DPH6: variants seen among roughly 807,000 people sequenced by gnomAD.
DPH6 encodes diphthamine biosynthesis 6.
In DPH6, 33 loss-of-function variants were observed where a neutral mutation model predicts 38.2. That is an observed-to-expected ratio of 0.86 (90% CI 0.65 to 1.15). DPH6 has a LOEUF of 1.15. Among genes scored for constraint, DPH6 ranks in the 50% most tolerant of loss-of-function variants. DPH6 has a pLI of 0.00. For synonymous variants in DPH6, 108 were observed against 103.0 expected (o/e 1.05, Z -0.30); for missense variants, 325 against 320.0 (o/e 1.02, Z -0.12).
At chr15:35,478,382 CACACACACACACACACACACACAA>C (rs2141142569) in intron 3 of DPH6, among the ~76,000 whole-genome samples, 1 of 150,558 alleles carries the variant, frequency 6.6e-6, no homozygotes, top group African/African-American at 2.4e-5. Flanking sequence ...CACACACACA[CACACACACACACACACACACACAA>C]AGATTGTAAA....
At chr15:35,156,224 A>G in the DPH6 span, among the ~76,000 whole-genome samples, 1 of 152,192 alleles carries the variant, frequency 6.6e-6, no homozygotes, top group Admixed American at 6.5e-5. Context: ...TTTTTGGCAT[A>G]TGTTGTACAA....
Position 35,398,518 on chromosome 15 carries a change from G to T in DPH6, c.567+12317C>A, listed in dbSNP as rs190901638. On this transcript the variant is annotated intron_variant, in intron 6 of 8. Transcript: ENST00000256538. ...GCTGATCACATGGAGCTGCCTGGAGGATGGTGCGCTGAGAGACAGCCTGGA... is the reference window on the plus strand; with the variant it reads ...GCTGATCACATGGAGCTGCCTGGAGTATGGTGCGCTGAGAGACAGCCTGGA... 4.5e-5 allele frequency among the ~76,000 whole-genome samples: 6 copies of T among 133,532 alleles called. No homozygotes were observed. In the East Asian group the frequency reaches 1.3e-3, roughly 28 times the overall value. 87.6% of individuals were successfully genotyped at this position (133,532 alleles called of 152,430 possible).
intron 3 of DPH6, among the ~76,000 whole-genome samples, chr15:35,475,943 A>G (rs868227214): frequency 1.3e-5 from 2 of 152,042 alleles, no homozygotes; most frequent in African/African-American, 2.4e-5. Context: ...TTAATAATAC[A>G]AAACAGTAAA....
At chr15:35,476,238 C>G (rs1295794674) in intron 3 of DPH6, among the ~76,000 whole-genome samples, 2 of 151,794 alleles carry the variant, frequency 1.3e-5, no homozygotes, top group African/African-American at 4.8e-5. Context: ...CCTAATTTCT[C>G]TGGATCTCAG....
the DPH6 span, among the ~76,000 whole-genome samples, chr15:35,162,291 C>A: frequency 2.6e-5 from 4 of 152,014 alleles, no homozygotes; most frequent in Middle Eastern, 3.4e-3. Context: ...TGCCTGAAAT[C>A]GTTCATGGCA....
At chr15:35,537,961 A>G (rs2055196217) in intron 3 of DPH6, 2 of 177,934 alleles carry the variant, frequency 1.1e-5, no homozygotes, top group East Asian at 2.9e-4. Flanking sequence ...CATTCAAAAA[A>G]TATTTGTTAA....
At chr15:35,246,036 T>C (rs987295411) in intron 3 of DPH6, among the ~76,000 whole-genome samples, 72 of 152,134 alleles carry the variant, frequency 4.7e-4, no homozygotes, top group African/African-American at 1.7e-3. Flanking sequence ...GCTCAGAAGC[T>C]CCCCCACTGA....
intron 6 of DPH6, among the ~76,000 whole-genome samples, chr15:35,404,716 T>G (rs1166049722): frequency 6.6e-6 from 1 of 152,102 alleles, no homozygotes; most frequent in African/African-American, 2.4e-5. Context: ...GCTGTGCAGC[T>G]TTTTAACTTG....
Position 35,283,254 on chromosome 15 carries a change from CTCT to C in DPH6, n.201-62675_201-62673del, listed in dbSNP as rs1240619552. On this transcript the variant is annotated intron_variant and non_coding_transcript_variant, in intron 3 of 3. Coordinates refer to the DPH6 transcript ENST00000560386. Reference sequence around the variant, plus strand: ...TTTCTTCCTCTTCCTCCTCCTACTCCTCTTCTTCTTCTTTCTTCCTCTTCCTCT... The same window carrying C: ...TTTCTTCCTCTTCCTCCTCCTACTCCTCTTCTTCTTTCTTCCTCTTCCTCT... 1.2e-3 allele frequency among the ~76,000 whole-genome samples: 174 copies of C among 148,344 alleles called. 1 individual carries two copies. The highest frequency in any genetic ancestry group is 3.9e-3 in the African/African-American group (158 of 40,064).
At position 35,542,397 on chromosome 15, in the gene DPH6, A is replaced by C. The variant is rs1273937834; in HGVS notation, c.118+16T>G. The C allele has an allele frequency of 1.3e-6, 2 of 1,534,024 alleles. No individual in the cohort carries two copies. Among genetic ancestry groups the C allele is most frequent in the Non-Finnish European group, 1.8e-6 (2 of 1,120,440 alleles). On this transcript the variant is annotated intron_variant, in intron 2 of 8. Transcript: ENST00000256538. ...TCATTCATTTAGGCAACTTCCCAAT[A>C]AAGGCATGTACTTACCTTGGTTTTC...
At chr15:35,544,979 T>C (rs986654781) in intron 1 of DPH6, among the ~76,000 whole-genome samples, 2 of 152,186 alleles carry the variant, frequency 1.3e-5, no homozygotes, top group African/African-American at 2.4e-5. Flanking sequence ...TGAACAACAA[T>C]AATTATTGTG....
At chr15:35,443,216 T>C (rs2053810429) in intron 5 of DPH6, among the ~76,000 whole-genome samples, 1 of 152,212 alleles carries the variant, frequency 6.6e-6, no homozygotes. Flanking sequence ...ATTAGCATTG[T>C]TATTCTGAAA....
At chr15:35,391,771 C>A (rs1486417841) in intron 6 of DPH6, among the ~76,000 whole-genome samples, 1 of 152,140 alleles carries the variant, frequency 6.6e-6, no homozygotes, top group Non-Finnish European at 1.5e-5. Flanking sequence ...AAGGGAATTC[C>A]CTGACCCCTT....
rs1339562326 is a variant in DPH6, at chr15:35,345,768, A to G, written n.208-14691T>C. 6.6e-5 allele frequency among the ~76,000 whole-genome samples: 10 copies of G among 152,024 alleles called. No homozygotes were observed. The South Asian group carries it at 2.1e-3, about 32-fold the overall frequency. ...ACTTAGAAACATGACTCTAATGCAA[A>G]TATAGATTGAACATATATTCAACAT... On this transcript the variant is annotated intron_variant and non_coding_transcript_variant, in intron 3 of 3. Coordinates refer to the DPH6 transcript ENST00000558973.
At chr15:35,224,686 C>T (rs1470378918) in intron 3 of DPH6, among the ~76,000 whole-genome samples, 5 of 152,152 alleles carry the variant, frequency 3.3e-5, no homozygotes, top group Non-Finnish European at 5.9e-5. Context: ...GTATTTCCAC[C>T]AGCAATGAAT....
intron 7 of DPH6, among the ~76,000 whole-genome samples, chr15:35,374,301 A>C (rs2052752251): frequency 6.6e-6 from 1 of 152,112 alleles, no homozygotes; most frequent in Non-Finnish European, 1.5e-5. Flanking sequence ...TAATGTTTTG[A>C]ATTTCAACTG....
rs902595139 is a variant in DPH6, at chr15:35,519,441, C to T, written c.312+18833G>A. The T allele has an allele frequency of 2.6e-5, 4 of 151,938 alleles. No individual in the cohort carries two copies. In the East Asian group the frequency reaches 5.8e-4, roughly 22 times the overall value. 9.4% of individuals were successfully genotyped at this position (151,938 alleles called of 1,614,324 possible). On this transcript the variant is annotated intron_variant, in intron 3 of 8. Transcript: ENST00000256538. Reference sequence around the variant, plus strand: ...AAAGATATTTCATGAACAGACAGTACAGCCTGTAAGATTCCATCTTTCTCA... The same window carrying T: ...AAAGATATTTCATGAACAGACAGTATAGCCTGTAAGATTCCATCTTTCTCA...
At chr15:35,373,247 T>G (rs1282604053) in intron 8 of DPH6, among the ~76,000 whole-genome samples, 1 of 151,936 alleles carries the variant, frequency 6.6e-6, no homozygotes, top group East Asian at 1.9e-4. Context: ...TTTGATTTTA[T>G]ATTGTCCTCC....
chr15:35,146,035 T>C, the DPH6 span, among the ~76,000 whole-genome samples: 2 of 151,884 alleles, frequency 1.3e-5, no homozygotes, highest in Non-Finnish European at 2.9e-5. Context: ...AAATGGTATA[T>C]AAAGGTTAGA....
Sources: allele counts gnomAD v4.1 joint callset (sites outside exome capture counted in the v4.1 genomes callset), GRCh38; gene constraint gnomAD v4.1.1; transcripts MANE v1.5; gene names NCBI Gene and HGNC (gene_info 2026-07-23, HGNC 2026-07-21).